Variants in WWTR1 observed in about 807,000 individuals in gnomAD.
The protein encoded by WWTR1 is WW domain-containing transcription regulator protein 1.
WWTR1 carries 13 observed loss-of-function variants against 40.1 expected under a neutral mutation model. The observed-to-expected ratio is 0.32, with a 90% CI of 0.21 to 0.52. The LOEUF (loss-of-function observed/expected upper bound fraction) is 0.52. Among genes scored for constraint, WWTR1 ranks in the 20% least tolerant of loss-of-function variants. The pLI is 0.97. For missense variants in WWTR1, 436 were observed against 523.1 expected (o/e 0.83, Z 1.63); for synonymous variants, 230 against 210.1 (o/e 1.09, Z -0.82).
At chr3:149,592,445 T>G (rs1738774740) in intron 2 of WWTR1, among the ~76,000 whole-genome samples, 1 of 152,118 alleles carries the variant, frequency 6.6e-6, no homozygotes, top group Non-Finnish European at 1.5e-5. Context: ...CTAAAAAAAC[T>G]ACAGGCGTTC....
chr3:149,632,050 AC>A (rs1287897829), intron 2 of WWTR1, among the ~76,000 whole-genome samples: 2 of 151,996 alleles, frequency 1.3e-5, no homozygotes, highest in African/African-American at 4.8e-5. Flanking sequence ...AGCTGGGACT[AC>A]AGGCGCCCAC....
intron 6 of WWTR1, among the ~76,000 whole-genome samples, chr3:149,524,696 A>AT (rs1352990320): frequency 6.6e-6 from 1 of 152,216 alleles, no homozygotes; most frequent in Non-Finnish European, 1.5e-5. Flanking sequence ...GAGCAGCTTT[A>AT]ATGTACTGCA....
chr3:149,661,325 T>C (rs1439946258), upstream of WWTR1: 9 of 152,420 alleles, frequency 5.9e-5, no homozygotes, highest in South Asian at 1.5e-3. Context: ...GATTGCAGAA[T>C]TGTGAGCAAA....
intron 1 of WWTR1, among the ~76,000 whole-genome samples, chr3:149,687,965 T>C (rs945284291): frequency 1.3e-5 from 2 of 151,364 alleles, no homozygotes; most frequent in Admixed American, 1.3e-4. Flanking sequence ...AGCCAGGCAG[T>C]TGTTGCCATG....
chr3:149,686,011 T>C (rs1421171529), intron 1 of WWTR1, among the ~76,000 whole-genome samples: 4 of 152,216 alleles, frequency 2.6e-5, no homozygotes, highest in Non-Finnish European at 5.9e-5. Context: ...CCCTACATGA[T>C]AAGGCTAAGT....
At chr3:149,565,916 G>A (rs1184326525) in intron 3 of WWTR1, among the ~76,000 whole-genome samples, 37 of 114,240 alleles carry the variant, frequency 3.2e-4, no homozygotes, top group Admixed American at 2.7e-3. Flanking sequence ...CAACAAGAGC[G>A]AAACTCTGTC....
At chr3:149,583,124 C>T (rs80134217) in intron 2 of WWTR1, among the ~76,000 whole-genome samples, 4,624 of 152,190 alleles carry the variant, frequency 0.03, 259 homozygotes, top group African/African-American at 0.11. Flanking sequence ...TGCCACCACA[C>T]CTGACGAATT....
intron 4 of WWTR1, among the ~76,000 whole-genome samples, chr3:149,537,084 G>A (rs1358674374): frequency 1.3e-5 from 2 of 152,172 alleles, no homozygotes; most frequent in Admixed American, 6.5e-5. Flanking sequence ...CTGTGACTAC[G>A]ATTTCCCACT....
chr3:149,721,429 T>A (rs1377106062), intron 4 of WWTR1, among the ~76,000 whole-genome samples: 1 of 152,224 alleles, frequency 6.6e-6, no homozygotes, highest in Non-Finnish European at 1.5e-5. Context: ...GATTGAATCA[T>A]CCTTGCATTC....
intron 2 of WWTR1, among the ~76,000 whole-genome samples, chr3:149,593,371 T>C (rs960507887): frequency 2.6e-5 from 4 of 151,512 alleles, no homozygotes; most frequent in Non-Finnish European, 5.9e-5. Context: ...GTACATGCCC[T>C]CGTCTTAGTT....
intron 2 of WWTR1, among the ~76,000 whole-genome samples, chr3:149,614,927 G>T (rs1739895554): frequency 6.6e-6 from 1 of 152,030 alleles, no homozygotes; most frequent in South Asian, 2.1e-4. Flanking sequence ...AGTTTACAGT[G>T]AGCTGAGATG....
chr3:149,549,867 A>AAACAC (rs1272287793), intron 3 of WWTR1, among the ~76,000 whole-genome samples: 1 of 152,100 alleles, frequency 6.6e-6, no homozygotes, highest in African/African-American at 2.4e-5. Flanking sequence ...AAACAAAACA[A>AAACAC]AACAAAACAA....
At chr3:149,717,729 G>A (rs1403019335) in intron 4 of WWTR1, among the ~76,000 whole-genome samples, 1 of 152,212 alleles carries the variant, frequency 6.6e-6, no homozygotes, top group Non-Finnish European at 1.5e-5. Context: ...ATTAGGTGTA[G>A]GGTGGGTATA....
chr3:149,632,651 A>G (rs968685076), intron 2 of WWTR1, among the ~76,000 whole-genome samples: 1 of 152,238 alleles, frequency 6.6e-6, no homozygotes, highest in Non-Finnish European at 1.5e-5. Flanking sequence ...AGACAACCCA[A>G]AAGTCCACCA....
chr3:149,628,737 T>TATTTTA (rs1353160159), intron 2 of WWTR1, among the ~76,000 whole-genome samples: 165 of 144,746 alleles, frequency 1.1e-3, no homozygotes, highest in African/African-American at 4.1e-3. Context: ...CTTTTTATTT[T>TATTTTA]TTTTATTTTA....
At chr3:149,685,869 G>A (rs1283481249) in intron 1 of WWTR1, among the ~76,000 whole-genome samples, 1 of 152,058 alleles carries the variant, frequency 6.6e-6, no homozygotes, top group African/African-American at 2.4e-5. Flanking sequence ...GTTATATCAT[G>A]GGACAAAATC....
intron 1 of WWTR1, among the ~76,000 whole-genome samples, chr3:149,680,971 A>T (rs1714443746): frequency 1.3e-5 from 2 of 152,356 alleles, no homozygotes; most frequent in South Asian, 4.1e-4. Flanking sequence ...TTAGTGAAAG[A>T]TGGATACATT....
intron 1 of WWTR1, among the ~76,000 whole-genome samples, chr3:149,690,714 C>T (rs767427424): frequency 3.9e-5 from 6 of 152,156 alleles, no homozygotes; most frequent in Non-Finnish European, 5.9e-5. Context: ...ATCATCCAGA[C>T]AGCAAATCAA....
chr3:149,603,878 T>C (rs1384969199), intron 2 of WWTR1, among the ~76,000 whole-genome samples: 2 of 128,288 alleles, frequency 1.6e-5, no homozygotes, highest in Non-Finnish European at 3.4e-5. Flanking sequence ...AAAAAAAGCA[T>C]GTGAAGCTGT....
Sources: allele counts gnomAD v4.1 joint callset (sites outside exome capture counted in the v4.1 genomes callset), GRCh38; gene constraint gnomAD v4.1.1; transcripts MANE v1.5; gene names NCBI Gene and HGNC (gene_info 2026-07-23, HGNC 2026-07-21).